Variants in CCDC171 observed in about 807,000 individuals in gnomAD.
The protein encoded by CCDC171 is coiled-coil domain-containing protein 171.
CCDC171 carries 177 observed loss-of-function variants against 168.2 expected under a neutral mutation model. That is an observed-to-expected ratio of 1.05 (90% CI 0.93 to 1.19). The LOEUF is 1.19. Among genes scored for constraint, CCDC171 ranks in the 50% most tolerant of loss-of-function variants. The probability of loss-of-function intolerance (pLI) is 0.00; values close to 1 mark genes in which losing one functional copy is unlikely to be tolerated. For synonymous variants in CCDC171, 687 were observed against 540.8 expected (o/e 1.27, Z -3.75); for missense variants, 1,991 against 1,539.0 (o/e 1.29, Z -4.91).
chr9:16,078,065 C>G, the CCDC171 span, among the ~76,000 whole-genome samples: 1 of 48,458 alleles, frequency 2.1e-5, no homozygotes, highest in Non-Finnish European at 3.5e-5. Flanking sequence ...AACACACACA[C>G]ACACACACAC....
intron 11 of CCDC171, among the ~76,000 whole-genome samples, chr9:15,719,243 A>G (rs928502937): frequency 6.6e-6 from 1 of 152,214 alleles, no homozygotes; most frequent in East Asian, 1.9e-4. Context: ...AAAAGAAAGA[A>G]TTAGTGAGCT....
intron 11 of CCDC171, among the ~76,000 whole-genome samples, chr9:15,702,986 C>T (rs983762947): frequency 5.3e-5 from 8 of 151,802 alleles, no homozygotes; most frequent in Non-Finnish European, 5.9e-5. Flanking sequence ...TCACTGCAAC[C>T]TCCCTCTCCT....
At chr9:15,798,175 T>C (rs1236083404) in intron 21 of CCDC171, among the ~76,000 whole-genome samples, 3 of 152,192 alleles carry the variant, frequency 2.0e-5, no homozygotes, top group African/African-American at 7.2e-5. Flanking sequence ...CAGATTGTCA[T>C]TTTCTTGTAA....
At chr9:15,729,946 T>TAC in intron 16 of CCDC171, 148 bp downstream of exon 16, 2 of 566,022 alleles carry the variant, frequency 3.5e-6, no homozygotes, top group Non-Finnish European at 6.2e-6. Context: ...TTTGTTTAGA[T>TAC]ACACACACAT....
At chr9:15,952,406 TG>T (rs1829297824) in intron 25 of CCDC171, among the ~76,000 whole-genome samples, 1 of 152,146 alleles carries the variant, frequency 6.6e-6, no homozygotes, top group Admixed American at 6.5e-5. Flanking sequence ...GATTTTGCTT[TG>T]TTTTTTTAGA....
intron 8 of CCDC171, among the ~76,000 whole-genome samples, chr9:15,664,889 G>T (rs955024840): frequency 2.0e-5 from 3 of 151,806 alleles, no homozygotes; most frequent in African/African-American, 7.3e-5. Flanking sequence ...AGTAGAGACG[G>T]GGTTTCTCCA....
At chr9:15,714,809 C>G (rs1234462698) in intron 11 of CCDC171, among the ~76,000 whole-genome samples, 1 of 152,152 alleles carries the variant, frequency 6.6e-6, no homozygotes, top group Non-Finnish European at 1.5e-5. Flanking sequence ...TTGTGGTAAT[C>G]AGAGCTAGGA....
At chr9:15,804,330 C>T (rs899015767) in intron 21 of CCDC171, among the ~76,000 whole-genome samples, 1 of 152,040 alleles carries the variant, frequency 6.6e-6, no homozygotes, top group African/African-American at 2.4e-5. Flanking sequence ...GGGAATGCTT[C>T]CAGCTTTTGC....
At chr9:15,961,716 A>C (rs757161485) in intron 25 of CCDC171, among the ~76,000 whole-genome samples, 1 of 152,158 alleles carries the variant, frequency 6.6e-6, no homozygotes, top group African/African-American at 2.4e-5. Context: ...TAAAATATAT[A>C]GATGTATTTC....
Position 15,615,049 on chromosome 9 carries a change from C to T in CCDC171, c.676-8218C>T, listed in dbSNP as rs527732200. 4.6e-5 allele frequency among the ~76,000 whole-genome samples: 7 copies of T among 152,020 alleles called. No homozygotes were observed. In the East Asian group the frequency reaches 7.7e-4, roughly 17 times the overall value. ...ACATCTTGATAGCATAATCTTGATA[C>T]CAAACTGACAAGGATAGAAGAAAAG... On this transcript the variant is annotated intron_variant, in intron 6 of 25. Coordinates refer to ENST00000380701, the MANE Select transcript of CCDC171 (RefSeq NM_173550.4).
chr9:15,838,620 C>A (rs2060548712), intron 21 of CCDC171, among the ~76,000 whole-genome samples: 1 of 152,176 alleles, frequency 6.6e-6, no homozygotes, highest in Non-Finnish European at 1.5e-5. Context: ...CTAATTCAAG[C>A]ATCCTCTTCA....
chr9:15,799,973 C>T (rs987561794), intron 21 of CCDC171, among the ~76,000 whole-genome samples: 14 of 152,048 alleles, frequency 9.2e-5, no homozygotes, highest in African/African-American at 2.7e-4. Context: ...CTTATGGCTG[C>T]GTAATACTCT....
In CCDC171 at chr9:15,727,894, T is replaced by C. The variant is rs1224569115; in HGVS notation, c.1718T>C (p.Leu573Ser). ...GAGAAGCTAACCTTCCTTCACACCTTATATCAGCACTTGGTAGCAGGCTGT... is the reference window on the plus strand; with the variant it reads ...GAGAAGCTAACCTTCCTTCACACCTCATATCAGCACTTGGTAGCAGGCTGT... Reference protein sequence around the residue: ...AEEKLTFLHTLYQHLVAGCVL... With the variant: ...AEEKLTFLHTSYQHLVAGCVL... The change falls in exon 15 of 26, where the codon TTA becomes TCA. Residue 573 changes from leucine to serine, a missense_variant. Transcript: ENST00000380701. The C allele has an allele frequency of 6.2e-7, 1 of 1,612,908 alleles. No individual in the cohort carries two copies. Among genetic ancestry groups the C allele is most frequent in the Admixed American group, 1.7e-5 (1 of 59,888 alleles).
At chr9:15,850,667 G>C (rs1322584814) in intron 23 of CCDC171, among the ~76,000 whole-genome samples, 1 of 152,036 alleles carries the variant, frequency 6.6e-6, no homozygotes, top group Non-Finnish European at 1.5e-5. Context: ...TGTGAGGTAT[G>C]AGTGAGAATG....
At chr9:15,805,266 A>G (rs2059019129) in intron 21 of CCDC171, among the ~76,000 whole-genome samples, 1 of 151,702 alleles carries the variant, frequency 6.6e-6, no homozygotes, top group Non-Finnish European at 1.5e-5. Context: ...GATCTTGGTT[A>G]TTTCTTGTCT....
the CCDC171 span, among the ~76,000 whole-genome samples, chr9:16,081,852 C>CT: frequency 1.0e-4 from 15 of 150,040 alleles, no homozygotes; most frequent in African/African-American, 2.0e-4. Context: ...TTATTGATTA[C>CT]TTTAAAAAAA....
rs1830530445 is a variant in CCDC171 at position 15,963,434 on chromosome 9, G to T, written c.3754-8175G>T. ...TGCTCACCTTGGTGAACTCTTTTGA[G>T]TGTAGCCATAGAAGAAATGCCTAGC... is the stretch of plus-strand genomic sequence containing the variant. On this transcript the variant is annotated intron_variant, in intron 25 of 25. Transcript: ENST00000380701. Among the ~76,000 whole-genome samples the T allele has an allele frequency of 3.9e-5, 6 of 152,284 alleles. 1 individual carries two copies. In the South Asian group the frequency reaches 1.2e-3, roughly 32 times the overall value.
chr9:16,038,461 G>C (rs756192978), upstream of CCDC171, among the ~76,000 whole-genome samples: 5 of 152,080 alleles, frequency 3.3e-5, no homozygotes, highest in Non-Finnish European at 7.4e-5. Flanking sequence ...AAGATTGATA[G>C]GTAAGTAGAA....
At chr9:15,728,057 G>C in intron 15 of CCDC171, 21 bp downstream of exon 15, 1 of 1,585,228 alleles carries the variant, frequency 6.3e-7, no homozygotes, top group Non-Finnish European at 8.6e-7. Flanking sequence ...TCAGGCACCA[G>C]ATACCTCTAT....
Sources: allele counts gnomAD v4.1 joint callset (sites outside exome capture counted in the v4.1 genomes callset), GRCh38; gene constraint gnomAD v4.1.1; transcripts MANE v1.5; gene names NCBI Gene and HGNC (gene_info 2026-07-23, HGNC 2026-07-21).